The following CFAP91 variants were observed in gnomAD, a reference collection of about 807,000 sequenced individuals.
CFAP91 encodes cilia- and flagella-associated protein 91.
Under a neutral mutation model 95.9 loss-of-function variants are expected in CFAP91, and 85 were observed. The ratio of observed to expected loss-of-function variants is 0.89; its 90% confidence interval spans 0.74 to 1.06. The LOEUF (loss-of-function observed/expected upper bound fraction) is 1.06. Among genes scored for constraint, CFAP91 ranks in the 50% least tolerant of loss-of-function variants. The pLI, the probability that CFAP91 is intolerant of heterozygous loss-of-function variation, is 0.00. For synonymous variants in CFAP91, 335 were observed against 327.5 expected, an observed-to-expected ratio of 1.02 and a Z score of -0.25; for missense variants, 962 against 943.4, an observed-to-expected ratio of 1.02 and a Z score of -0.26.
At chr3:119,733,601 A>G in intron 10 of CFAP91, 95 bp downstream of exon 10, 1 of 1,223,684 alleles carries the variant, frequency 8.2e-7, no homozygotes, top group Non-Finnish European at 1.2e-6. Context: ...AGTGGGTCAA[A>G]CATAGACCTA....
At chr3:119,721,833 A>C (rs1017947208) in intron 6 of CFAP91, among the ~76,000 whole-genome samples, 1 of 152,226 alleles carries the variant, frequency 6.6e-6, no homozygotes, top group Admixed American at 6.5e-5. Flanking sequence ...TTCAACAAGA[A>C]GTCAACATAC....
rs573622263 is a variant in CFAP91, at chr3:119,716,075, C to T, written c.682+332C>T. On this transcript the variant is annotated intron_variant, in intron 6 of 17. Coordinates refer to ENST00000273390, the MANE Select transcript of CFAP91 (RefSeq NM_033364.4). Reference sequence around the variant, plus strand: ...CATTGAGCAATCATACTTCTTTAAACATAAGCTTTGAGTGTAAAATACTGA... The same window carrying T: ...CATTGAGCAATCATACTTCTTTAAATATAAGCTTTGAGTGTAAAATACTGA... 1.2e-4 allele frequency: 61 copies of T among 501,452 alleles called. No homozygotes were observed. In the East Asian group the frequency reaches 1.5e-3, roughly 12 times the overall value. The allele number at this position is 501,452 out of a possible 1,614,324, so 31.1% of individuals were successfully genotyped here. A position where few individuals can be genotyped will look rare whatever the true frequency, so the allele number is the denominator to read the frequency against.
intron 8 of CFAP91, among the ~76,000 whole-genome samples, chr3:119,731,257 A>G (rs545272495): frequency 6.6e-6 from 1 of 152,330 alleles, no homozygotes; most frequent in African/African-American, 2.4e-5. Context: ...AATAGTATCA[A>G]TTACATGTGC....
At chr3:119,733,224 C>A in intron 9 of CFAP91, 140 bp from the exon 10 acceptor site, 1 of 758,692 alleles carries the variant, frequency 1.3e-6, no homozygotes, top group Non-Finnish European at 2.1e-6. Context: ...TTCAGGGACA[C>A]TTCATTCTAT....
intron 16 of CFAP91, 30 bp downstream of exon 16, chr3:119,747,932 A>ATT (rs751772764): frequency 6.6e-7 from 1 of 1,511,658 alleles, no homozygotes; most frequent in South Asian, 1.2e-5. Flanking sequence ...TTACTTTAGG[A>ATT]TTTTTTAAAG....
chr3:119,763,463 T>A (rs142375679), intron 17 of CFAP91, among the ~76,000 whole-genome samples: 1 of 152,084 alleles, frequency 6.6e-6, no homozygotes, highest in Non-Finnish European at 1.5e-5. Flanking sequence ...ATTCCACAAC[T>A]GGGTGTATAT....
At position 119,707,857 on chromosome 3, in the gene CFAP91, C is replaced by T. The variant is rs537992122; in HGVS notation, c.359+296C>T. ...TGAAAGTGCTCTGTTCTGCTAGTATCTAAAATATTTTTTGGGAACTTGGGG... is the reference window on the plus strand; with the variant it reads ...TGAAAGTGCTCTGTTCTGCTAGTATTTAAAATATTTTTTGGGAACTTGGGG... On this transcript the variant is annotated intron_variant, in intron 3 of 17. Transcript: ENST00000273390. 3.3e-5 allele frequency among the ~76,000 whole-genome samples: 5 copies of T among 151,856 alleles called. No individual in the cohort carries two copies. In the South Asian group the frequency reaches 1.0e-3, roughly 32 times the overall value.
intron 10 of CFAP91, among the ~76,000 whole-genome samples, 200 bp from the exon 11 acceptor site, chr3:119,737,166 T>C (rs1281583542): frequency 6.6e-6 from 1 of 152,216 alleles, no homozygotes. Context: ...AATATTCTGA[T>C]TAATATTTAT....
At chr3:119,710,108 G>T in intron 5 of CFAP91, 1 of 515,882 alleles carries the variant, frequency 1.9e-6, no homozygotes, top group East Asian at 3.2e-5. Context: ...TGGAGGGTAA[G>T]TTGGTTTTTG....
intron 17 of CFAP91, among the ~76,000 whole-genome samples, chr3:119,751,874 C>T (rs183924050): frequency 6.6e-5 from 10 of 152,076 alleles, no homozygotes; most frequent in Admixed American, 2.6e-4. Context: ...ATGGATTTGC[C>T]CAGCTACAAA....
Position 119,739,343 on chromosome 3 carries a change from G to T in CFAP91, c.1533+17G>T, listed in dbSNP as rs776330409. Reference sequence around the variant, plus strand: ...CAGAACATGGTGTGTAGGTCCAACCGCTGGCCCTGCATTTCTCTTTTGAGA... The same window carrying T: ...CAGAACATGGTGTGTAGGTCCAACCTCTGGCCCTGCATTTCTCTTTTGAGA... On this transcript the variant is annotated intron_variant, in intron 12 of 17. Transcript: ENST00000273390. The T allele has an allele frequency of 1.9e-6, 3 of 1,600,662 alleles. No individual in the cohort carries two copies. In the Admixed American group the frequency reaches 5.0e-5, roughly 27 times the overall value.
chr3:119,731,164 G>T (rs1254325091), intron 8 of CFAP91, among the ~76,000 whole-genome samples: 1 of 152,166 alleles, frequency 6.6e-6, no homozygotes, highest in African/African-American at 2.4e-5. Flanking sequence ...TTGAGCCCAG[G>T]AGCTCAAGGC....
At chr3:119,745,925 T>C (rs1360295098) in intron 14 of CFAP91, among the ~76,000 whole-genome samples, 1 of 152,238 alleles carries the variant, frequency 6.6e-6, no homozygotes, top group Non-Finnish European at 1.5e-5. Flanking sequence ...AGGTACTGAA[T>C]TGTTACTGAG....
intron 13 of CFAP91, among the ~76,000 whole-genome samples, chr3:119,743,332 G>T (rs1384900223): frequency 6.6e-6 from 1 of 152,008 alleles, no homozygotes; most frequent in Non-Finnish European, 1.5e-5. Flanking sequence ...TGGCCAGGCT[G>T]GTCTCGAACT....
chr3:119,717,722 C>T (rs2107866711), intron 6 of CFAP91, among the ~76,000 whole-genome samples: 1 of 152,234 alleles, frequency 6.6e-6, no homozygotes, highest in East Asian at 1.9e-4. Flanking sequence ...ATCTGAGGGG[C>T]CTGTCATGCA....
intron 17 of CFAP91, among the ~76,000 whole-genome samples, chr3:119,754,561 A>T (rs771195467): frequency 3.4e-4 from 52 of 152,346 alleles, no homozygotes; most frequent in African/African-American, 1.2e-3. Flanking sequence ...AAGGAAGCCT[A>T]TTGATTGGAC....
chr3:119,754,204 A>G (rs34490729), intron 17 of CFAP91, among the ~76,000 whole-genome samples: 25,761 of 152,246 alleles, frequency 0.17, 2,579 homozygotes, highest in Admixed American at 0.23. Flanking sequence ...GACCCTTATT[A>G]TAAAATGGCA....
In CFAP91 at chr3:119,751,029, G is replaced by C. The variant is rs764708083; in HGVS notation, c.2236G>C (p.Glu746Gln). 35 of 1,613,688 alleles carry C rather than the reference G, an allele frequency of 2.2e-5. No individual in the cohort carries two copies. In the East Asian group the frequency reaches 7.6e-4, roughly 35 times the overall value. The change falls in exon 17 of 18, where the codon GAG (glutamate) becomes CAG (glutamine). Residue 746 changes from glutamate (E) to glutamine (Q), a missense_variant. Glu to Gln is a conservative substitution (Grantham distance 29). Transcript: ENST00000273390. ...GGTTCAAAAGAAATTAACTGAGGGA[G>C]AGCAAGATGAGGCCTCAAATGCTGC... ...SMVQKKLTEG[E>Q]QDEASNAAML...
chr3:119,743,335 C>T (rs1392589698), intron 13 of CFAP91, among the ~76,000 whole-genome samples: 1 of 152,042 alleles, frequency 6.6e-6, no homozygotes, highest in Non-Finnish European at 1.5e-5. Flanking sequence ...CCAGGCTGGT[C>T]TCGAACTCCT....
Sources: allele counts gnomAD v4.1 joint callset (sites outside exome capture counted in the v4.1 genomes callset), GRCh38; gene constraint gnomAD v4.1.1; transcripts MANE v1.5; gene names NCBI Gene and HGNC (gene_info 2026-07-23, HGNC 2026-07-21).